Variants in FBXL7 observed in about 807,000 individuals in gnomAD.
FBXL7 encodes F-box/LRR-repeat protein 7.
FBXL7 carries 12 observed loss-of-function variants against 38.3 expected under a neutral mutation model. That is an observed-to-expected ratio of 0.31 (90% CI 0.20 to 0.51). FBXL7 has a LOEUF of 0.51. FBXL7 is among the 20% of genes least tolerant of loss of function. The probability of loss-of-function intolerance (pLI) is 0.98; values close to 1 mark genes in which losing one functional copy is unlikely to be tolerated. For synonymous variants in FBXL7, 297 were observed against 300.9 expected (o/e 0.99, Z 0.13); for missense variants, 567 against 676.4 (o/e 0.84, Z 1.79).
chr5:15,653,009 A>G (rs923745010), intron 2 of FBXL7, among the ~76,000 whole-genome samples: 9 of 152,186 alleles, frequency 5.9e-5, no homozygotes, highest in Non-Finnish European at 1.0e-4. Context: ...TACACTTACT[A>G]TGTACCCACA....
intron 2 of FBXL7, among the ~76,000 whole-genome samples, chr5:15,747,048 C>A (rs1395665224): frequency 6.6e-6 from 1 of 152,092 alleles, no homozygotes; most frequent in African/African-American, 2.4e-5. Context: ...TTAGTCACAC[C>A]AACCTGGGAA....
chr5:15,793,816 C>T lies in FBXL7; in HGVS notation c.128-134074C>T, dbSNP rs563542217. Among the ~76,000 whole-genome samples, 66 of 151,788 alleles carry T rather than the reference C, an allele frequency of 4.3e-4. 1 individual carries two copies. The highest frequency in any genetic ancestry group is 1.6e-3 in the African/African-American group (65 of 41,044). ...GAAGAAGATGAATTTGATATCTGCC[C>T]TGATTGTGGCAGAGTTAGAGTTTCT... On this transcript the variant is annotated intron_variant, in intron 2 of 3. Coordinates refer to ENST00000504595, the MANE Select transcript of FBXL7 (RefSeq NM_012304.5).
intron 1 of FBXL7, among the ~76,000 whole-genome samples, chr5:15,573,925 G>T (rs1738874582): frequency 6.6e-6 from 1 of 152,164 alleles, no homozygotes. Context: ...GGAAACTTCT[G>T]AGTCATATAA....
At chr5:15,685,862 C>T (rs528116138) in intron 2 of FBXL7, among the ~76,000 whole-genome samples, 2 of 152,324 alleles carry the variant, frequency 1.3e-5, no homozygotes, top group African/African-American at 4.8e-5. Flanking sequence ...TGAGAACCTA[C>T]TGCATTACAA....
At chr5:15,750,614 T>G (rs535823723) in intron 2 of FBXL7, among the ~76,000 whole-genome samples, 90 of 152,366 alleles carry the variant, frequency 5.9e-4, no homozygotes, top group African/African-American at 2.1e-3. Context: ...TGTTTTATTT[T>G]GCTTTTCTTG....
chr5:15,601,776 T>C, intron 1 of FBXL7, among the ~76,000 whole-genome samples: 1 of 152,220 alleles, frequency 6.6e-6, no homozygotes, highest in East Asian at 1.9e-4. Flanking sequence ...TAGGATTTTC[T>C]GCTATTTAAT....
At chr5:15,679,914 A>G (rs1036902787) in intron 2 of FBXL7, among the ~76,000 whole-genome samples, 1 of 152,204 alleles carries the variant, frequency 6.6e-6, no homozygotes, top group African/African-American at 2.4e-5. Context: ...CATTTATGGA[A>G]TTGAGAGGCA....
chr5:15,651,107 T>G (rs1254242008), intron 2 of FBXL7, among the ~76,000 whole-genome samples: 1 of 150,446 alleles, frequency 6.6e-6, no homozygotes, highest in Non-Finnish European at 1.5e-5. Flanking sequence ...TTTCTTTTTT[T>G]TTTTTTTGTG....
At chr5:15,528,694 T>G (rs1737324335) in intron 1 of FBXL7, among the ~76,000 whole-genome samples, 1 of 152,134 alleles carries the variant, frequency 6.6e-6, no homozygotes, top group African/African-American at 2.4e-5. Context: ...ACACGGTAAT[T>G]ATGAGAGCTA....
chr5:15,770,389 T>C (rs926688758), intron 2 of FBXL7, among the ~76,000 whole-genome samples: 1 of 152,184 alleles, frequency 6.6e-6, no homozygotes. Context: ...AAAACTTTGC[T>C]TTCCTGATAA....
At chr5:15,846,358 G>T (rs552513457) in intron 2 of FBXL7, among the ~76,000 whole-genome samples, 2 of 152,128 alleles carry the variant, frequency 1.3e-5, no homozygotes, top group East Asian at 3.9e-4. Flanking sequence ...ATCTCTCCAT[G>T]GCAAAAAGAG....
chr5:15,526,570 C>T (rs555859848), intron 1 of FBXL7, among the ~76,000 whole-genome samples: 1 of 152,118 alleles, frequency 6.6e-6, no homozygotes, highest in Non-Finnish European at 1.5e-5. Flanking sequence ...AATTAGAGCC[C>T]TTATTCAAAA....
rs184141672 is a variant in FBXL7 at position 15,619,847 on chromosome 5, G to T, written c.127+3775G>T. 4.4e-3 allele frequency among the ~76,000 whole-genome samples: 674 copies of T among 152,322 alleles called. 6 individuals carry two copies. Among genetic ancestry groups the T allele is most frequent in the African/African-American group, 0.016 (645 of 41,558 alleles). ...AGGGAGGGTTCACATTGCTTCCCTG[G>T]TTGGAGGTGTATGTATGTGTGCATT... is the stretch of plus-strand genomic sequence containing the variant. On this transcript the variant is annotated intron_variant, in intron 2 of 3. Transcript: ENST00000504595.
chr5:15,922,829 A>G (rs898461994), intron 2 of FBXL7, among the ~76,000 whole-genome samples: 7 of 152,220 alleles, frequency 4.6e-5, no homozygotes, highest in Non-Finnish European at 1.0e-4. Flanking sequence ...AAAATTAACA[A>G]TAATATCCCC....
intron 2 of FBXL7, among the ~76,000 whole-genome samples, chr5:15,866,553 TA>T (rs910178622): frequency 2.1e-4 from 32 of 151,048 alleles, no homozygotes; most frequent in South Asian, 6.3e-4. Context: ...TTATTTCTTC[TA>T]AAAAAAAATG....
chr5:15,799,971 G>A (rs1737519780), intron 2 of FBXL7, among the ~76,000 whole-genome samples: 1 of 152,086 alleles, frequency 6.6e-6, no homozygotes, highest in African/African-American at 2.4e-5. Flanking sequence ...TCACGGTCCA[G>A]CAATCTTACA....
intron 2 of FBXL7, among the ~76,000 whole-genome samples, chr5:15,651,450 T>C (rs1741707863): frequency 6.6e-6 from 1 of 152,154 alleles, no homozygotes; most frequent in African/African-American, 2.4e-5. Flanking sequence ...TAGTGGGCTA[T>C]TGGATGGATG....
intron 2 of FBXL7, among the ~76,000 whole-genome samples, chr5:15,855,560 T>TAAA (rs1386111229): frequency 6.6e-6 from 1 of 152,176 alleles, no homozygotes; most frequent in Admixed American, 6.6e-5. Flanking sequence ...ATGATACATT[T>TAAA]AAGGTAAAAG....
intron 2 of FBXL7, among the ~76,000 whole-genome samples, chr5:15,921,469 A>G (rs1741740084): frequency 6.6e-6 from 1 of 151,878 alleles, no homozygotes; most frequent in Non-Finnish European, 1.5e-5. Flanking sequence ...CCATGTCTCC[A>G]TTCATCCATC....
Sources: allele counts gnomAD v4.1 joint callset (sites outside exome capture counted in the v4.1 genomes callset), GRCh38; gene constraint gnomAD v4.1.1; transcripts MANE v1.5; gene names NCBI Gene and HGNC (gene_info 2026-07-23, HGNC 2026-07-21).